Variants in NEK6 observed in about 807,000 individuals in gnomAD.
The protein encoded by NEK6 is serine/threonine-protein kinase Nek6.
A neutral mutation model predicts 43.5 loss-of-function variants in NEK6; 27 were observed. The observed-to-expected ratio is 0.62, with a 90% CI of 0.46 to 0.86. NEK6 has a LOEUF of 0.86. NEK6 is among the 40% of genes least tolerant of loss of function. The pLI, the probability that NEK6 is intolerant of heterozygous loss-of-function variation, is 0.00. For synonymous variants in NEK6, 167 were observed against 164.1 expected (o/e 1.02, Z -0.14); for missense variants, 318 against 414.4 (o/e 0.77, Z 2.02).
At chr9:124,274,719 T>C (rs1831584217) in intron 1 of NEK6, among the ~76,000 whole-genome samples, 1 of 152,202 alleles carries the variant, frequency 6.6e-6, no homozygotes, top group Non-Finnish European at 1.5e-5. Flanking sequence ...GTATTCCACC[T>C]GGACATCTGA....
intron 1 of NEK6, among the ~76,000 whole-genome samples, chr9:124,276,339 C>T (rs548795111): frequency 6.6e-6 from 1 of 152,162 alleles, no homozygotes; most frequent in African/African-American, 2.4e-5. Context: ...TTAGTCTCCT[C>T]ATCAGTCAAG....
chr9:124,285,367 G>GC (rs1832106410), intron 1 of NEK6, among the ~76,000 whole-genome samples: 2 of 152,274 alleles, frequency 1.3e-5, no homozygotes, highest in Admixed American at 1.3e-4. Context: ...TGAATGGCAG[G>GC]CTCCCCTCCT....
chr9:124,340,315 G>A (rs1032925222), intron 8 of NEK6, among the ~76,000 whole-genome samples: 4 of 152,218 alleles, frequency 2.6e-5, no homozygotes, highest in African/African-American at 9.6e-5. Flanking sequence ...GGGGCCCCAG[G>A]TGATGAGAGG....
intron 1 of NEK6, among the ~76,000 whole-genome samples, chr9:124,272,938 A>G (rs951570792): frequency 1.3e-5 from 2 of 152,112 alleles, no homozygotes; most frequent in Non-Finnish European, 2.9e-5. Context: ...ATGTTTTTTT[A>G]ATTCTTGGCA....
intron 1 of NEK6, among the ~76,000 whole-genome samples, chr9:124,278,873 G>A (rs936083060): frequency 9.2e-5 from 14 of 152,124 alleles, no homozygotes; most frequent in African/African-American, 3.4e-4. Flanking sequence ...AGCCCCTGCC[G>A]CAGTGCTGGG....
chr9:124,328,275 C>T (rs945441862), intron 7 of NEK6, among the ~76,000 whole-genome samples: 1 of 152,142 alleles, frequency 6.6e-6, no homozygotes, highest in African/African-American at 2.4e-5. Flanking sequence ...CCCCCGCTTC[C>T]CCACCAGTGG....
At chr9:124,299,091 A>G (rs1381365675) in intron 1 of NEK6, among the ~76,000 whole-genome samples, 4 of 152,228 alleles carry the variant, frequency 2.6e-5, no homozygotes, top group Non-Finnish European at 4.4e-5. Context: ...GATTTGCCCA[A>G]GGTCTCAGCT....
chr9:124,294,258 C>T (rs530735524), intron 1 of NEK6, among the ~76,000 whole-genome samples: 5 of 152,272 alleles, frequency 3.3e-5, no homozygotes, highest in South Asian at 2.1e-4. Context: ...CTCAGCTACT[C>T]GGGAGCCTGA....
rs1831606678 is a variant in NEK6, at chr9:124,275,252, G to C, written c.-30+17167G>C. ...TTTAAACTTCTAGGGATGAGATGTA[G>C]GTGCCCACTTATTTAAACCAGGGCC... On this transcript the variant is annotated intron_variant, in intron 1 of 9. Transcript: ENST00000320246. This position sits in a 1 kb window ranked among gnomAD's most constrained non-coding sequence, Gnocchi z 4.4. 1.3e-5 allele frequency among the ~76,000 whole-genome samples: 2 copies of C among 152,234 alleles called. No individual in the cohort carries two copies. Among genetic ancestry groups the C allele is most frequent in the Non-Finnish European group, 2.9e-5 (2 of 68,048 alleles).
chr9:124,325,977 G>A (rs1028492096), intron 5 of NEK6, among the ~76,000 whole-genome samples: 3 of 152,212 alleles, frequency 2.0e-5, no homozygotes, highest in Non-Finnish European at 2.9e-5. Context: ...GTGCCCTGTG[G>A]AGGGGGTGTC....
At chr9:124,280,679 C>T (rs372200926) in intron 1 of NEK6, among the ~76,000 whole-genome samples, 1 of 152,220 alleles carries the variant, frequency 6.6e-6, no homozygotes, top group African/African-American at 2.4e-5. Context: ...CATCTGGCAC[C>T]TCGCTCTGTG....
intron 8 of NEK6, among the ~76,000 whole-genome samples, chr9:124,342,402 G>A (rs1372781921): frequency 6.6e-6 from 1 of 152,250 alleles, no homozygotes; most frequent in Non-Finnish European, 1.5e-5. Flanking sequence ...CCCAGCTCCA[G>A]GGCCCACCCA....
At chr9:124,346,280 C>T (rs769011021) in intron 8 of NEK6, among the ~76,000 whole-genome samples, 5 of 152,206 alleles carry the variant, frequency 3.3e-5, no homozygotes, top group Admixed American at 6.5e-5. Flanking sequence ...TCCACGCCCT[C>T]CTGAAGGAGG....
intron 4 of NEK6, among the ~76,000 whole-genome samples, chr9:124,319,367 G>A (rs1291688326): frequency 6.6e-6 from 1 of 151,970 alleles, no homozygotes; most frequent in African/African-American, 2.4e-5. Context: ...TTTGTCAGAT[G>A]CATAGTTTAT....
intron 1 of NEK6, among the ~76,000 whole-genome samples, chr9:124,276,524 G>T (rs1831657928): frequency 6.6e-6 from 1 of 152,198 alleles, no homozygotes; most frequent in African/African-American, 2.4e-5. Context: ...CATCGAAGGG[G>T]CCATTGAATC....
intron 8 of NEK6, among the ~76,000 whole-genome samples, chr9:124,341,047 CTTTT>C (rs767136675): frequency 9.8e-5 from 15 of 152,288 alleles, no homozygotes; most frequent in African/African-American, 1.4e-4. Context: ...CAGCATCTTT[CTTTT>C]GTTTTTTTGA....
At position 124,321,503 on chromosome 9, in the gene NEK6, C is replaced by T. The variant is rs765205974; in HGVS notation, c.339C>T (p.Ile113=). Residue 113 remains isoleucine (I), a synonymous_variant, in exon 5 of 10, where the codon ATC becomes ATT. Coordinates refer to ENST00000320246, the MANE Select transcript of NEK6 (RefSeq NM_014397.6). ...TCATCAAGTATTTGGACTCGTTTAT[C>T]GAAGACAACGAGCTGAACATTGTGC... ...PNIIKYLDSF[I]EDNELNIVLE... 22 of 1,613,860 alleles carry T rather than the reference C, an allele frequency of 1.4e-5. No homozygotes were observed. The highest frequency in any genetic ancestry group is 2.7e-5 in the African/African-American group (2 of 74,910).
chr9:124,345,563 G>C (rs1169212791), intron 8 of NEK6, among the ~76,000 whole-genome samples: 1 of 152,210 alleles, frequency 6.6e-6, no homozygotes, highest in East Asian at 1.9e-4. Flanking sequence ...TGGGGCCTTT[G>C]GAGTTCCCAG....
chr9:124,270,070 C>CT (rs1491419288), intron 1 of NEK6, among the ~76,000 whole-genome samples: 3 of 128,946 alleles, frequency 2.3e-5, no homozygotes, highest in African/African-American at 9.3e-5. Context: ...TCCTTCCACG[C>CT]CCCCCCCCCA....
Sources: allele counts gnomAD v4.1 joint callset (sites outside exome capture counted in the v4.1 genomes callset), GRCh38; gene constraint gnomAD v4.1.1; non-coding constraint Gnocchi (gnomAD v3.1); transcripts MANE v1.5; gene names NCBI Gene and HGNC (gene_info 2026-07-23, HGNC 2026-07-21).